TMEM50A: variants seen among roughly 807,000 people sequenced by gnomAD.
TMEM50A encodes the protein cervical cancer oncogene 9.
A neutral mutation model predicts 23.9 loss-of-function variants in TMEM50A; 8 were observed. That is an observed-to-expected ratio of 0.33 (90% confidence interval 0.20 to 0.60). The LOEUF is 0.60. TMEM50A is among the 20% of genes least tolerant of loss of function. The pLI, the probability that TMEM50A is intolerant of heterozygous loss-of-function variation, is 0.81. For synonymous variants in TMEM50A, 55 were observed against 60.4 expected (o/e 0.91, Z 0.41); for missense variants, 178 against 192.7 (o/e 0.92, Z 0.45).
chr1:25,343,025 A>G lies in TMEM50A; in HGVS notation c.158A>G (p.Asn53Ser), dbSNP rs1372090190. The G allele has an allele frequency of 3.1e-6, 5 of 1,613,686 alleles. No individual in the cohort carries two copies. In the Admixed American group the frequency reaches 6.7e-5, roughly 22 times the overall value. The stretch of plus-strand genomic sequence containing the variant: ...ATTTATCCCACCATGAAAGATTTCA[A>G]CCACTCATACCATGCCTGTGGTGTT... ...AVIYPTMKDF[N>S]HSYHACGVIA... The change falls in exon 3 of 7, where the codon AAC becomes AGC. Residue 53 changes from asparagine to serine, a missense_variant. Coordinates refer to ENST00000374358, the MANE Select transcript of TMEM50A (RefSeq NM_014313.4).
chr1:25,351,719 T>C (rs1412345245), intron 4 of TMEM50A, 26 bp downstream of exon 4: 5 of 1,583,146 alleles, frequency 3.2e-6, no homozygotes, highest in African/African-American at 1.4e-5. Flanking sequence ...CAGCATCTTA[T>C]TATACATGCT....
At chr1:25,357,526 G>GGA (rs1645344742) in intron 6 of TMEM50A, among the ~76,000 whole-genome samples, 1 of 121,514 alleles carries the variant, frequency 8.2e-6, no homozygotes, top group South Asian at 3.0e-4. Context: ...CTCTGCATCA[G>GGA]GAGTGTGTGT....
intron 2 of TMEM50A, among the ~76,000 whole-genome samples, chr1:25,341,308 C>A (rs998349893): frequency 1.3e-5 from 2 of 151,578 alleles, no homozygotes; most frequent in Non-Finnish European, 2.9e-5. Context: ...CCCAGGCTGG[C>A]GTGCAGTGGC....
At chr1:25,357,566 G>T (rs1020883697) in intron 6 of TMEM50A, among the ~76,000 whole-genome samples, 9 of 147,576 alleles carry the variant, frequency 6.1e-5, no homozygotes, top group East Asian at 2.0e-4. Flanking sequence ...TGTGTGTTGT[G>T]TGTGTGTGTG....
chr1:25,346,864 A>G (rs2124244863), intron 3 of TMEM50A, among the ~76,000 whole-genome samples: 1 of 152,216 alleles, frequency 6.6e-6, no homozygotes. Context: ...ACAAAAAAAT[A>G]CAAAAATCAG....
At chr1:25,351,528 C>CT in intron 3 of TMEM50A, 98 bp from the exon 4 acceptor site, 2 of 935,220 alleles carry the variant, frequency 2.1e-6, no homozygotes, top group South Asian at 1.9e-5. Flanking sequence ...AAAAAAAAGA[C>CT]TTTCAGGCCT....
intron 3 of TMEM50A, 75 bp downstream of exon 3, chr1:25,343,148 A>T: frequency 8.5e-7 from 1 of 1,169,696 alleles, no homozygotes; most frequent in South Asian, 1.4e-5. Context: ...AGTTGCATAG[A>T]TTTAAAATTC....
chr1:25,359,878 G>T (rs971949676), intron 6 of TMEM50A, among the ~76,000 whole-genome samples: 3 of 152,024 alleles, frequency 2.0e-5, no homozygotes, highest in Non-Finnish European at 4.4e-5. Context: ...CTTATTCAGG[G>T]TGACCGAATT....
intron 6 of TMEM50A, 92 bp from the exon 7 acceptor site, chr1:25,360,568 T>C (rs1168993461): frequency 5.0e-6 from 7 of 1,403,182 alleles, no homozygotes; most frequent in Admixed American, 1.8e-5. Flanking sequence ...CATCAATTAT[T>C]CTTCGTTGTT....
chr1:25,340,119 T>C (rs1265821022), intron 1 of TMEM50A, among the ~76,000 whole-genome samples: 1 of 152,004 alleles, frequency 6.6e-6, no homozygotes, highest in African/African-American at 2.4e-5. Context: ...GTATTTTTAG[T>C]AGAGATGGGG....
chr1:25,339,450 C>A (rs374230734), intron 1 of TMEM50A, among the ~76,000 whole-genome samples: 1 of 151,984 alleles, frequency 6.6e-6, no homozygotes, highest in East Asian at 1.9e-4. Context: ...AGTGGATGTT[C>A]TTTATATAGA....
chr1:25,341,656 G>A (rs964668738), intron 2 of TMEM50A, among the ~76,000 whole-genome samples: 3 of 151,948 alleles, frequency 2.0e-5, no homozygotes, highest in African/African-American at 7.2e-5. Context: ...TGGGATTACA[G>A]GCATGAGCCA....
chr1:25,339,086 A>C (rs1399769800), intron 1 of TMEM50A, among the ~76,000 whole-genome samples: 1 of 152,238 alleles, frequency 6.6e-6, no homozygotes, highest in Non-Finnish European at 1.5e-5. Flanking sequence ...TTAAAAGAGA[A>C]GTTAAAAATG....
intron 3 of TMEM50A, among the ~76,000 whole-genome samples, chr1:25,347,512 A>G (rs1450125186): frequency 6.6e-6 from 1 of 152,192 alleles, no homozygotes; most frequent in Non-Finnish European, 1.5e-5. Context: ...TGCTGGGATG[A>G]CAAGCGTGAG....
chr1:25,346,730 G>A (rs1645222099), intron 3 of TMEM50A, among the ~76,000 whole-genome samples: 1 of 152,012 alleles, frequency 6.6e-6, no homozygotes, highest in Non-Finnish European at 1.5e-5. Flanking sequence ...AATATAAAAT[G>A]CATTCTGGCC....
chr1:25,343,924 T>TG (rs1645189055), intron 3 of TMEM50A, among the ~76,000 whole-genome samples: 1 of 152,130 alleles, frequency 6.6e-6, no homozygotes, highest in African/African-American at 2.4e-5. Context: ...GAGGGACAGA[T>TG]GGTATAGGGC....
chr1:25,362,237 A>T lies in TMEM50A; in HGVS notation c.*1532A>T. ...TTTATTAAGCATGAGAAAGAATCTT[A>T]AGAATTGTCAATAAAATTAACCCAA... On this transcript the variant is annotated 3_prime_UTR_variant, in exon 7 of 7. Coordinates refer to ENST00000374358, the MANE Select transcript of TMEM50A (RefSeq NM_014313.4). 1.7e-6 allele frequency: 1 copy of T among 599,750 alleles called. No individual in the cohort carries two copies. Among genetic ancestry groups the T allele is most frequent in the Non-Finnish European group, 2.9e-6 (1 of 349,840 alleles). The allele number at this position is 599,750 out of a possible 1,614,324, so 37.2% of individuals were successfully genotyped here.
rs1645417664 is a variant in TMEM50A, at chr1:25,362,174, CT to C, written c.*1472del. 1 of 433,518 alleles carries C rather than the reference CT, an allele frequency of 2.3e-6. No homozygotes were observed. The highest frequency in any genetic ancestry group is 4.2e-6 in the Non-Finnish European group (1 of 237,408). The allele number at this position is 433,518 out of a possible 1,614,324, so 26.9% of individuals were successfully genotyped here. A position where few individuals can be genotyped will look rare whatever the true frequency, so the allele number is the denominator to read the frequency against. On this transcript the variant is annotated 3_prime_UTR_variant, in exon 7 of 7. Transcript: ENST00000374358. ...TAATTTTCCTGTTTTGTATTATCTG[CT>C]TTGCTGATGTAGACAAGAGTTAACT...
chr1:25,341,533 A>G (rs1344095470), intron 2 of TMEM50A, among the ~76,000 whole-genome samples: 8 of 152,018 alleles, frequency 5.3e-5, no homozygotes, highest in Non-Finnish European at 4.4e-5. Context: ...GGTGTGAGCC[A>G]CCGCGCCTGG....
Sources: gnomAD v4.1 joint callset for allele counts (sites outside exome capture counted in the v4.1 genomes callset) on GRCh38, gnomAD v4.1.1 for gene constraint, MANE v1.5 for transcripts, NCBI Gene and HGNC (gene_info 2026-07-23, HGNC 2026-07-21) for gene names.